QPCT: variants seen among roughly 807,000 people sequenced by gnomAD.
The protein encoded by QPCT is EC.
In QPCT, 44 loss-of-function variants were observed where a neutral mutation model predicts 43.4. That is an observed-to-expected ratio of 1.01 (90% CI 0.80 to 1.30). QPCT has a LOEUF of 1.30. QPCT is among the 50% of genes most tolerant of loss of function. The probability of loss-of-function intolerance (pLI) is 0.00; values close to 1 mark genes in which losing one functional copy is unlikely to be tolerated. For missense variants in QPCT, 526 were observed against 436.5 expected (o/e 1.21, Z -1.83); for synonymous variants, 168 against 168.4 (o/e 1.00, Z 0.02).
At chr2:37,372,597 G>T (rs1228324820) in intron 6 of QPCT, 85 bp from the exon 7 acceptor site, 1 of 1,501,450 alleles carries the variant, frequency 6.7e-7, no homozygotes, top group East Asian at 2.3e-5. Flanking sequence ...ATGTGGTACA[G>T]AGCTCCCTCT....
chr2:37,366,794 G>A (rs1672972054), intron 3 of QPCT, among the ~76,000 whole-genome samples: 1 of 152,178 alleles, frequency 6.6e-6, no homozygotes, highest in African/African-American at 2.4e-5. Context: ...TCTTTAGAGA[G>A]CCCCCCGTAC....
At chr2:37,350,849 T>G (rs1672605230) in intron 1 of QPCT, among the ~76,000 whole-genome samples, 1 of 152,236 alleles carries the variant, frequency 6.6e-6, no homozygotes, top group African/African-American at 2.4e-5. Context: ...TTTACATATG[T>G]TAGTTCACTT....
In QPCT at chr2:37,372,819, C is replaced by T. The variant is rs780159176; in HGVS notation, c.1078C>T (p.His360Tyr). 2 of 1,608,346 alleles carry T rather than the reference C, an allele frequency of 1.2e-6. No homozygotes were observed. The highest frequency in any genetic ancestry group is 2.2e-5 in the East Asian group (1 of 44,818). The change falls in exon 7 of 7, where the codon CAT becomes TAT. Residue 360 changes from histidine to tyrosine, a missense_variant. Coordinates refer to ENST00000338415, the MANE Select transcript of QPCT (RefSeq NM_012413.4). Reference sequence around the variant, plus strand: ...ACAAGTCTTTGTGTTGGAATATCTTCATTTGTAATACTCTGATTTAGTTTA... The same window carrying T: ...ACAAGTCTTTGTGTTGGAATATCTTTATTTGTAATACTCTGATTTAGTTTA... ...ILQVFVLEYL[H>Y]L
intron 1 of QPCT, among the ~76,000 whole-genome samples, chr2:37,349,367 C>A (rs144983970): frequency 6.6e-6 from 1 of 152,328 alleles, no homozygotes; most frequent in Admixed American, 6.5e-5. Context: ...TTTTTTGGTG[C>A]TATTTGCCAA....
In QPCT at chr2:37,367,426, C is replaced by G; in HGVS notation, c.723+18C>G. The G allele has an allele frequency of 6.2e-7, 1 of 1,607,060 alleles. No homozygotes were observed. The highest frequency in any genetic ancestry group is 8.5e-7 in the Non-Finnish European group (1 of 1,177,528). On this transcript the variant is annotated intron_variant, in intron 4 of 6. Coordinates refer to ENST00000338415, the MANE Select transcript of QPCT (RefSeq NM_012413.4). ...ATGGCATGGTTAGTCTGGGCAATTT[C>G]CCTAGCACTGTAGCTGTAGGCTCCG...
rs11555868 is a variant in QPCT, at chr2:37,344,725, C to A, written c.-7C>A. 1.3e-6 allele frequency: 2 copies of A among 1,599,442 alleles called. No individual in the cohort carries two copies. Among genetic ancestry groups the A allele is most frequent in the Non-Finnish European group, 8.5e-7 (1 of 1,174,252 alleles). ...CGGGGAACCCGCTCCCAGACAGACT[C>A]GGAGAGATGGCAGGCGGAAGACACC... On this transcript the variant is annotated 5_prime_UTR_variant, in exon 1 of 7. Coordinates refer to ENST00000338415, the MANE Select transcript of QPCT (RefSeq NM_012413.4).
At position 37,351,455 on chromosome 2, in the gene QPCT, T is replaced by C. The variant is rs1414028228; in HGVS notation, c.121-1334T>C. Among the ~76,000 whole-genome samples the C allele has an allele frequency of 3.3e-5, 5 of 152,370 alleles. No individual in the cohort carries two copies. The East Asian group carries it at 9.6e-4, about 29-fold the overall frequency. On this transcript the variant is annotated intron_variant, in intron 1 of 6. Transcript: ENST00000338415. The stretch of plus-strand genomic sequence containing the variant: ...ATCCAAAATACAAATTTGAATGTTA[T>C]GTGAACTTTAATGCAATTTAAAAAT...
chr2:37,359,948 C>T, intron 3 of QPCT, 90 bp downstream of exon 3: 1 of 1,341,264 alleles, frequency 7.5e-7, no homozygotes, highest in Non-Finnish European at 1.0e-6. Flanking sequence ...AATGAGAAGG[C>T]CATTTAGAAA....
intron 2 of QPCT, among the ~76,000 whole-genome samples, chr2:37,358,304 G>A (rs538181075): frequency 6.6e-6 from 1 of 152,258 alleles, no homozygotes; most frequent in South Asian, 2.1e-4. Context: ...AGGCATGGTG[G>A]CATGTGTCTG....
Position 37,369,659 on chromosome 2 carries a change from A to T in QPCT, c.724-26A>T, listed in dbSNP as rs369063663. On this transcript the variant is annotated intron_variant, in intron 4 of 6. Coordinates refer to ENST00000338415, the MANE Select transcript of QPCT (RefSeq NM_012413.4). ...TATAAAACACGTTTTGGTGATGGTGATTAAACATTACTTTTTCTCCCTCAG... is the reference window on the plus strand; with the variant it reads ...TATAAAACACGTTTTGGTGATGGTGTTTAAACATTACTTTTTCTCCCTCAG... The T allele has an allele frequency of 1.7e-5, 25 of 1,507,362 alleles. No homozygotes were observed. In the African/African-American group the frequency reaches 3.2e-4, roughly 19 times the overall value. The allele number at this position is 1,507,362 out of a possible 1,614,324, so 93.4% of individuals were successfully genotyped here. A position where few individuals can be genotyped will look rare whatever the true frequency, so the allele number is the denominator to read the frequency against.
In QPCT at chr2:37,373,246, T is replaced by C. The variant is rs904673253; in HGVS notation, c.*419T>C. Reference sequence around the variant, plus strand: ...CATGTAATACAAAACAAACATGTAGTTTGAAGGCGGTCAGATTTCTTTGAG... The same window carrying C: ...CATGTAATACAAAACAAACATGTAGCTTGAAGGCGGTCAGATTTCTTTGAG... On this transcript the variant is annotated 3_prime_UTR_variant, in exon 7 of 7. Coordinates refer to ENST00000338415, the MANE Select transcript of QPCT (RefSeq NM_012413.4). 2 of 152,568 alleles carry C rather than the reference T, an allele frequency of 1.3e-5. No homozygotes were observed. Among genetic ancestry groups the C allele is most frequent in the African/African-American group, 4.8e-5 (2 of 41,454 alleles). 9.5% of individuals were successfully genotyped at this position (152,568 alleles called of 1,614,324 possible).
intron 3 of QPCT, among the ~76,000 whole-genome samples, chr2:37,363,141 G>A (rs4384764): frequency 0.4 from 61,292 of 152,062 alleles, 15,218 homozygotes; most frequent in African/African-American, 0.71. Flanking sequence ...TCTTCAGACC[G>A]TGTGAACCAC....
intron 2 of QPCT, among the ~76,000 whole-genome samples, chr2:37,358,473 CA>C (rs1672793667): frequency 7.2e-6 from 1 of 138,932 alleles, no homozygotes; most frequent in Admixed American, 6.8e-5. Flanking sequence ...AACAAACAAA[CA>C]AAAAACCAAG....
At chr2:37,354,763 TCA>T in intron 2 of QPCT, among the ~76,000 whole-genome samples, 1 of 152,186 alleles carries the variant, frequency 6.6e-6, no homozygotes, top group East Asian at 1.9e-4. Context: ...TCCAAAAGCC[TCA>T]GTTCCTTGTT....
At chr2:37,358,277 A>C (rs186536621) in intron 2 of QPCT, among the ~76,000 whole-genome samples, 740 of 152,130 alleles carry the variant, frequency 4.9e-3, no homozygotes, top group South Asian at 0.017. Flanking sequence ...AAACAAAAAA[A>C]CCCACAAAAG....
At position 37,351,629 on chromosome 2, in the gene QPCT, C is replaced by T. The variant is rs142371339; in HGVS notation, c.121-1160C>T. Among the ~76,000 whole-genome samples, 741 of 152,166 alleles carry T rather than the reference C, an allele frequency of 4.9e-3. 7 individuals carry two copies. The highest frequency in any genetic ancestry group is 0.016 in the African/African-American group (676 of 41,516). On this transcript the variant is annotated intron_variant, in intron 1 of 6. Coordinates refer to ENST00000338415, the MANE Select transcript of QPCT (RefSeq NM_012413.4). ...GGGTGCGGTGGCTCATGCCTGTAAT[C>T]CCAGCACTTTGGGAGGCCGAGGTGG...
intron 2 of QPCT, among the ~76,000 whole-genome samples, chr2:37,353,926 G>A (rs1672678855): frequency 6.6e-6 from 1 of 152,118 alleles, no homozygotes; most frequent in Admixed American, 6.5e-5. Context: ...GTGCAGTGGC[G>A]CGATCTCGGT....
chr2:37,368,855 C>T (rs983231592), intron 4 of QPCT, among the ~76,000 whole-genome samples: 1 of 152,104 alleles, frequency 6.6e-6, no homozygotes, highest in African/African-American at 2.4e-5. Flanking sequence ...TTTCCAGAAA[C>T]AAACCCTTAA....
intron 6 of QPCT, 71 bp from the exon 7 acceptor site, chr2:37,372,611 T>A (rs1334601722): frequency 1.3e-6 from 2 of 1,540,960 alleles, no homozygotes; most frequent in African/African-American, 1.4e-5. Flanking sequence ...TCCCTCTGCT[T>A]GAAGAATGAC....
Sources: allele counts gnomAD v4.1 joint callset (sites outside exome capture counted in the v4.1 genomes callset), GRCh38; gene constraint gnomAD v4.1.1; transcripts MANE v1.5; gene names NCBI Gene and HGNC (gene_info 2026-07-23, HGNC 2026-07-21).